PSMF1: variants seen among roughly 807,000 people sequenced by gnomAD.
PSMF1 encodes proteasome inhibitor PI31 subunit.
A neutral mutation model predicts 29.3 loss-of-function variants in PSMF1; 30 were observed. The ratio of observed to expected loss-of-function variants is 1.02; its 90% CI spans 0.77 to 1.39. The LOEUF is 1.39. PSMF1 is among the 40% of genes most tolerant of loss of function. The pLI is 0.00. For synonymous variants in PSMF1, 134 were observed against 139.7 expected (o/e 0.96, Z 0.29); for missense variants, 344 against 357.5 (o/e 0.96, Z 0.31).
At position 1,168,932 on chromosome 20, in the gene PSMF1, CT is replaced by C. The variant is rs573785878; in HGVS notation, c.*3857del. Among the ~76,000 whole-genome samples the C allele has an allele frequency of 4.3e-4, 66 of 152,230 alleles. 2 individuals carry two copies. Among genetic ancestry groups the C allele is most frequent in the African/African-American group, 1.5e-3 (64 of 41,514 alleles). ...TTGCATGTGTATAAACCACTATTGA[CT>C]TTTTGCACCAAAGGAGATATTCAAG... is the stretch of plus-strand genomic sequence containing the variant. On this transcript the variant is annotated 3_prime_UTR_variant, in exon 7 of 7. Transcript: ENST00000335877.
At position 1,132,945 on chromosome 20, in the gene PSMF1, A is replaced by T. The variant is rs114552048; in HGVS notation, c.366-2176A>T. 3.2e-3 allele frequency among the ~76,000 whole-genome samples: 458 copies of T among 144,918 alleles called. 3 individuals are homozygous for T. Among genetic ancestry groups the T allele is most frequent in the African/African-American group, 0.011 (431 of 39,528 alleles). On this transcript the variant is annotated intron_variant, in intron 3 of 6. Transcript: ENST00000335877. ...CTCTTCTATCCTGTCACCTTGCTGA[A>T]TTCAAGGTGTTTAGGGTTTTTTTGT... is the stretch of plus-strand genomic sequence containing the variant.
chr20:1,142,630 A>G (rs1600157789), intron 4 of PSMF1, among the ~76,000 whole-genome samples: 2 of 152,202 alleles, frequency 1.3e-5, no homozygotes, highest in African/African-American at 2.4e-5. Context: ...ATAGTACTCC[A>G]TGGTGTATAT....
intron 4 of PSMF1, among the ~76,000 whole-genome samples, chr20:1,137,275 C>A (rs914007371): frequency 6.6e-6 from 1 of 152,330 alleles, no homozygotes; most frequent in East Asian, 1.9e-4. Context: ...CACCATGTTG[C>A]AACTTCTGCT....
chr20:1,131,606 A>T (rs1406531104), intron 3 of PSMF1, among the ~76,000 whole-genome samples: 1 of 152,218 alleles, frequency 6.6e-6, no homozygotes, highest in Non-Finnish European at 1.5e-5. Context: ...TATGCCTTTC[A>T]GCCATAGCTT....
In PSMF1 at chr20:1,171,361, G is replaced by A. The variant is rs777113592; in HGVS notation, c.*6281G>A. On this transcript the variant is annotated 3_prime_UTR_variant, in exon 7 of 7. Transcript: ENST00000335877. ...TTCCCTGGGCCACAGGAATGGGCTC[G>A]GGCTCTCTGCTGGGCTCTGTCACCT... Among the ~76,000 whole-genome samples the A allele has an allele frequency of 2.6e-5, 4 of 152,104 alleles. No homozygotes were observed. The highest frequency in any genetic ancestry group is 6.5e-5 in the Admixed American group (1 of 15,274).
chr20:1,139,251 A>G (rs574797309), intron 4 of PSMF1, among the ~76,000 whole-genome samples: 26 of 152,330 alleles, frequency 1.7e-4, no homozygotes, highest in Admixed American at 4.6e-4. Context: ...GAGCATCTAC[A>G]AAAAGCTCAC....
chr20:1,124,289 T>C (rs1350439196), intron 1 of PSMF1, among the ~76,000 whole-genome samples: 1 of 152,112 alleles, frequency 6.6e-6, no homozygotes, highest in African/African-American at 2.4e-5. Context: ...ATGGAAAGTC[T>C]TAGGATTTTT....
At chr20:1,141,407 G>A (rs2086378081) in intron 4 of PSMF1, among the ~76,000 whole-genome samples, 1 of 152,140 alleles carries the variant, frequency 6.6e-6, no homozygotes, top group African/African-American at 2.4e-5. Flanking sequence ...AATATATAAT[G>A]ATAGAAATTA....
At chr20:1,139,496 C>T (rs1306205580) in intron 4 of PSMF1, among the ~76,000 whole-genome samples, 1 of 152,070 alleles carries the variant, frequency 6.6e-6, no homozygotes, top group Non-Finnish European at 1.5e-5. Flanking sequence ...AAGGAATCCT[C>T]CGAAAAACAG....
chr20:1,132,717 T>C (rs565479614), intron 3 of PSMF1, among the ~76,000 whole-genome samples: 50 of 152,334 alleles, frequency 3.3e-4, no homozygotes, highest in African/African-American at 1.2e-3. Context: ...ATATATCTTA[T>C]CTCTCCATTT....
rs538147197 is a variant in PSMF1, at chr20:1,148,976, ATAT to A, written c.551+13671_551+13673del. 2.0e-5 allele frequency among the ~76,000 whole-genome samples: 3 copies of A among 152,228 alleles called. No individual in the cohort carries two copies. In the South Asian group the frequency reaches 6.2e-4, roughly 31 times the overall value. ...TTAAAAATAAGCCCATTATGTGTTA[ATAT>A]AAATAACAAATTCCTGTGAAAATAT... On this transcript the variant is annotated intron_variant, in intron 4 of 6. Transcript: ENST00000335877.
In PSMF1 at chr20:1,163,507, C is replaced by G. The variant is rs571405582; in HGVS notation, c.605+324C>G. ...GGCCTTAGGGCAGCTCAGGGCTATT[C>G]AGAGGTTGCCCCACTTAATAAAGGG... On this transcript the variant is annotated intron_variant, in intron 5 of 6. Coordinates refer to ENST00000335877, the MANE Select transcript of PSMF1 (RefSeq NM_006814.5). The surrounding 1 kb of genome is among the most constrained non-coding windows in gnomAD (Gnocchi z 6.1). Among the ~76,000 whole-genome samples, 73 of 152,310 alleles carry G rather than the reference C, an allele frequency of 4.8e-4. No homozygotes were observed. The highest frequency in any genetic ancestry group is 3.4e-3 in the Middle Eastern group (1 of 294).
chr20:1,161,450 G>A (rs973825085), intron 4 of PSMF1: 1 of 467,964 alleles, frequency 2.1e-6, no homozygotes, highest in Non-Finnish European at 4.0e-6. Context: ...ACAAGGACCT[G>A]TATGCCAACA....
At chr20:1,142,187 A>AC (rs1047549071) in intron 4 of PSMF1, among the ~76,000 whole-genome samples, 2 of 152,244 alleles carry the variant, frequency 1.3e-5, no homozygotes, top group African/African-American at 4.8e-5. Context: ...GCGCCACACC[A>AC]CTGCACTCCA....
chr20:1,159,024 C>G (rs982039561), intron 4 of PSMF1, among the ~76,000 whole-genome samples: 19 of 150,992 alleles, frequency 1.3e-4, no homozygotes, highest in African/African-American at 4.6e-4. Context: ...CCACTGTACT[C>G]CAGCCTGGGC....
In PSMF1 at chr20:1,164,503, A is replaced by T. The variant is rs2086705285; in HGVS notation, c.764+27A>T. The T allele has an allele frequency of 6.8e-6, 11 of 1,610,954 alleles. No homozygotes were observed. Among genetic ancestry groups the T allele is most frequent in the Non-Finnish European group, 9.3e-6 (11 of 1,177,588 alleles). ...TACGTAGTCACTCAGGTATGCTGAG[A>T]AGTAGGACCTGATGGCAGCTTGGTT... On this transcript the variant is annotated intron_variant, in intron 6 of 6. Coordinates refer to ENST00000335877, the MANE Select transcript of PSMF1 (RefSeq NM_006814.5). The surrounding 1 kb of genome is among the most constrained non-coding windows in gnomAD (Gnocchi z 4.1).
Position 1,163,209 on chromosome 20 carries a change from C to A in PSMF1, c.605+26C>A. Reference sequence around the variant, plus strand: ...GTGAGTACTGCTGGGGAGGTGGCAGCAACACAACTTGCTTTTGTGGCTTTT... The same window carrying A: ...GTGAGTACTGCTGGGGAGGTGGCAGAAACACAACTTGCTTTTGTGGCTTTT... On this transcript the variant is annotated intron_variant, in intron 5 of 6. Coordinates refer to ENST00000335877, the MANE Select transcript of PSMF1 (RefSeq NM_006814.5). This position sits in a 1 kb window ranked among gnomAD's most constrained non-coding sequence, Gnocchi z 6.1. 2 of 1,612,594 alleles carry A rather than the reference C, an allele frequency of 1.2e-6. No homozygotes were observed. Among genetic ancestry groups the A allele is most frequent in the Non-Finnish European group, 1.7e-6 (2 of 1,178,824 alleles).
Position 1,171,679 on chromosome 20 carries a change from C to T in PSMF1, c.*6599C>T, listed in dbSNP as rs34552580. ...CATACAGGTTCAGCACCCTGGTCAG[C>T]GCCCAGCCTCCCTAAAGCCGCTGGA... On this transcript the variant is annotated 3_prime_UTR_variant, in exon 7 of 7. Transcript: ENST00000335877. 0.033 allele frequency among the ~76,000 whole-genome samples: 5,045 copies of T among 152,270 alleles called. 135 individuals are homozygous for T. The highest frequency in any genetic ancestry group is 0.092 in the Middle Eastern group (27 of 294).
Position 1,165,772 on chromosome 20 carries a change from T to A in PSMF1, c.*692T>A, listed in dbSNP as rs2086722072. On this transcript the variant is annotated 3_prime_UTR_variant, in exon 7 of 7. Transcript: ENST00000335877. ...TGATGAGGCAAAATCCTCCAGCTAT[T>A]CCTGTCTGGGCCAGTTTTGTAGGTC... is the stretch of plus-strand genomic sequence containing the variant. 2.0e-6 allele frequency: 2 copies of A among 1,024,398 alleles called. No individual in the cohort carries two copies. The highest frequency in any genetic ancestry group is 8.0e-5 in the South Asian group (2 of 25,064). 63.5% of individuals were successfully genotyped at this position (1,024,398 alleles called of 1,614,324 possible).
Sources: gnomAD v4.1 joint callset for allele counts (sites outside exome capture counted in the v4.1 genomes callset) on GRCh38, gnomAD v4.1.1 for gene constraint, Gnocchi (gnomAD v3.1) non-coding constraint, MANE v1.5 for transcripts, NCBI Gene and HGNC (gene_info 2026-07-23, HGNC 2026-07-21) for gene names.